The following RFPL1 variants were observed in gnomAD, a reference collection of about 807,000 sequenced individuals.
RFPL1 encodes ret finger protein-like 1.
In RFPL1, 6 loss-of-function variants were observed where a neutral mutation model predicts 9.6. That is an observed-to-expected ratio of 0.62 (90% CI 0.34 to 1.23). The LOEUF (loss-of-function observed/expected upper bound fraction) is 1.23. Among genes scored for constraint, RFPL1 ranks in the 50% most tolerant of loss-of-function variants. RFPL1 has a pLI of 0.03. For synonymous variants in RFPL1, 145 were observed against 149.4 expected (o/e 0.97, Z 0.22); for missense variants, 352 against 398.4 (o/e 0.88, Z 0.99).
At chr22:29,441,168 G>A in intron 1 of RFPL1, 1 of 254,744 alleles carries the variant, frequency 3.9e-6, no homozygotes, top group Non-Finnish European at 7.5e-6. Context: ...GATGGAAGCA[G>A]AAACATATTT....
the RFPL1 span, among the ~76,000 whole-genome samples, chr22:29,400,431 T>C: frequency 2.6e-5 from 4 of 152,362 alleles, no homozygotes; most frequent in African/African-American, 7.2e-5. Flanking sequence ...GAAATGTCTC[T>C]AGTCACACAG....
At chr22:29,424,086 G>A in the RFPL1 span, among the ~76,000 whole-genome samples, 7 of 151,906 alleles carry the variant, frequency 4.6e-5, no homozygotes, top group African/African-American at 7.3e-5. Context: ...AGGCTGAGGC[G>A]GAAAAATCAC....
chr22:29,394,374 G>A, the RFPL1 span, among the ~76,000 whole-genome samples: 2 of 151,986 alleles, frequency 1.3e-5, no homozygotes, highest in Non-Finnish European at 2.9e-5. Context: ...ACGGAGTCTC[G>A]CTGTGTCGTC....
At chr22:29,421,431 A>C in the RFPL1 span, among the ~76,000 whole-genome samples, 28 of 151,626 alleles carry the variant, frequency 1.8e-4, no homozygotes, top group Middle Eastern at 3.4e-3. Flanking sequence ...TGTCTCAAAA[A>C]AAACAAACAA....
At chr22:29,400,144 C>T in the RFPL1 span, among the ~76,000 whole-genome samples, 86 of 151,924 alleles carry the variant, frequency 5.7e-4, 1 homozygote, top group Admixed American at 4.7e-3. Context: ...TACAGGAGCC[C>T]GCCACCGCTC....
At chr22:29,409,793 T>C in the RFPL1 span, among the ~76,000 whole-genome samples, 1 of 152,154 alleles carries the variant, frequency 6.6e-6, no homozygotes, top group African/African-American at 2.4e-5. Context: ...TCATATTTGA[T>C]TGCCGTCATC....
chr22:29,408,553 A>G, the RFPL1 span, among the ~76,000 whole-genome samples: 3 of 152,238 alleles, frequency 2.0e-5, no homozygotes, highest in Admixed American at 6.5e-5. Context: ...GGAGGAGAAT[A>G]TGACATCAGA....
chr22:29,419,312 A>G, the RFPL1 span: 1 of 831,864 alleles, frequency 1.2e-6, no homozygotes, highest in Admixed American at 1.8e-5. Context: ...GGCAGGGGAC[A>G]ATTCCCAGTA....
At chr22:29,439,874 A>C (rs2062829759) in intron 1 of RFPL1, 1 of 152,402 alleles carries the variant, frequency 6.6e-6, no homozygotes, top group African/African-American at 2.4e-5. Context: ...ATTCTAATGC[A>C]CAGTGAGTAT....
chr22:29,417,413 G>T, the RFPL1 span, among the ~76,000 whole-genome samples: 1 of 151,484 alleles, frequency 6.6e-6, no homozygotes, highest in Admixed American at 6.6e-5. Context: ...GAGGTCCTTT[G>T]CTTGGGGGGT....
chr22:29,405,880 C>T, the RFPL1 span, among the ~76,000 whole-genome samples: 43 of 151,852 alleles, frequency 2.8e-4, no homozygotes, highest in Admixed American at 6.6e-4. Context: ...GAGGCCGAGG[C>T]GGGTGGATCA....
the RFPL1 span, among the ~76,000 whole-genome samples, chr22:29,410,353 T>C: frequency 4.2e-5 from 3 of 72,222 alleles, no homozygotes; most frequent in Non-Finnish European, 6.8e-5. Context: ...TATATAGATA[T>C]ATATGTAGAT....
the RFPL1 span, among the ~76,000 whole-genome samples, chr22:29,391,175 CA>C: frequency 6.6e-6 from 1 of 151,928 alleles, no homozygotes; most frequent in Admixed American, 6.6e-5. Flanking sequence ...AGTCAGGGAA[CA>C]AATGGAATTT....
exon 2 of RFPL1, chr22:29,441,591 TGAC>T (rs2062839172): frequency 6.2e-7 from 1 of 1,613,746 alleles, no homozygotes; most frequent in Admixed American, 1.7e-5. Flanking sequence ...TCCTCATTTC[TGAC>T]GACCTCAGGA....
upstream of RFPL1, among the ~76,000 whole-genome samples, chr22:29,435,763 G>A (rs377391594): frequency 1.8e-4 from 28 of 152,144 alleles, no homozygotes; most frequent in South Asian, 2.9e-3. Flanking sequence ...TTTTAGGAGC[G>A]GGAAATAGAT....
At chr22:29,410,324 A>AGATATATAGATCTATATATAGATATATAT in the RFPL1 span, among the ~76,000 whole-genome samples, 22 of 89,260 alleles carry the variant, frequency 2.5e-4, no homozygotes, top group African/African-American at 1.2e-3. Flanking sequence ...AGATATATAT[A>AGATATATAGATCTATATATAGATATATAT]TGTAGATATA....
the RFPL1 span, among the ~76,000 whole-genome samples, chr22:29,424,269 A>G: frequency 1.3e-5 from 2 of 152,152 alleles, no homozygotes; most frequent in African/African-American, 2.4e-5. Context: ...GTGTACCTCA[A>G]TAGTTCTTCT....
the RFPL1 span, among the ~76,000 whole-genome samples, chr22:29,416,020 C>T: frequency 6.6e-6 from 1 of 152,192 alleles, no homozygotes; most frequent in Non-Finnish European, 1.5e-5. Flanking sequence ...CTGAGGATGC[C>T]TCCCTGCTCT....
At chr22:29,412,558 C>T in the RFPL1 span, among the ~76,000 whole-genome samples, 1 of 152,098 alleles carries the variant, frequency 6.6e-6, no homozygotes, top group Admixed American at 6.5e-5. Flanking sequence ...AACTTGGGGT[C>T]TTCCCACAGA....
Sources: allele counts gnomAD v4.1 joint callset (sites outside exome capture counted in the v4.1 genomes callset), GRCh38; gene constraint gnomAD v4.1.1; transcripts MANE v1.5; gene names NCBI Gene and HGNC (gene_info 2026-07-23, HGNC 2026-07-21).